The following FER variants were observed in gnomAD, a reference collection of about 807,000 sequenced individuals.
The protein encoded by FER is tyrosine-protein kinase Fer.
FER carries 63 observed loss-of-function variants against 111.0 expected under a neutral mutation model. The observed-to-expected ratio is 0.57, with a 90% CI of 0.46 to 0.70. The LOEUF is 0.70. Ranked by LOEUF, FER falls within the 30% of genes least tolerant of loss-of-function variation. The pLI is 0.00. For synonymous variants in FER, 327 were observed against 313.9 expected, an observed-to-expected ratio of 1.04 and a Z score of -0.44; for missense variants, 914 against 954.0, an observed-to-expected ratio of 0.96 and a Z score of 0.55.
chr5:109,089,252 T>A (rs76641298), intron 16 of FER, among the ~76,000 whole-genome samples: 5,234 of 152,252 alleles, frequency 0.034, 147 homozygotes, highest in South Asian at 0.085. Flanking sequence ...AGAATTTTTT[T>A]AAAATAGTAC....
chr5:109,062,022 T>TTTGCTTGCGTGCTTGC (rs1554129298), intron 16 of FER, among the ~76,000 whole-genome samples: 1 of 150,536 alleles, frequency 6.6e-6, no homozygotes, highest in African/African-American at 2.5e-5. Context: ...TTATGAATAC[T>TTTGCTTGCGTGCTTGC]TTGCTTGCTT....
chr5:108,939,670 A>C (rs1369293047), intron 10 of FER, among the ~76,000 whole-genome samples: 1 of 152,022 alleles, frequency 6.6e-6, no homozygotes, highest in African/African-American at 2.4e-5. Flanking sequence ...ATTAGCTGAC[A>C]AAAGAAGTAC....
At chr5:108,810,231 C>A (rs567981905) in intron 3 of FER, among the ~76,000 whole-genome samples, 228 of 152,240 alleles carry the variant, frequency 1.5e-3, no homozygotes, top group African/African-American at 5.2e-3. Flanking sequence ...ATTGGGCTTT[C>A]TTTATATATA....
intron 11 of FER, among the ~76,000 whole-genome samples, chr5:108,950,893 A>G (rs977105039): frequency 1.1e-4 from 17 of 152,194 alleles, no homozygotes; most frequent in African/African-American, 4.1e-4. Flanking sequence ...TCTTTTGTAA[A>G]CAGTTGATTT....
intron 16 of FER, among the ~76,000 whole-genome samples, chr5:109,068,486 G>A (rs1435507791): frequency 6.6e-6 from 1 of 152,056 alleles, no homozygotes; most frequent in Non-Finnish European, 1.5e-5. Flanking sequence ...CCGTTGCTCT[G>A]TTATTACTCA....
At chr5:108,949,944 G>A (rs977357888) in intron 11 of FER, among the ~76,000 whole-genome samples, 12 of 151,876 alleles carry the variant, frequency 7.9e-5, no homozygotes, top group African/African-American at 2.9e-4. Flanking sequence ...AAAAGTAACT[G>A]GGTAAAAATA....
intron 13 of FER, among the ~76,000 whole-genome samples, chr5:109,009,117 G>C (rs1457244791): frequency 7.3e-6 from 1 of 137,646 alleles, no homozygotes. Flanking sequence ...GCGTGATCTC[G>C]GCTCCCTGCA....
chr5:109,059,296 G>C (rs1774068834), intron 16 of FER, among the ~76,000 whole-genome samples: 1 of 151,440 alleles, frequency 6.6e-6, no homozygotes, highest in African/African-American at 2.4e-5. Context: ...GACTTGGTTA[G>C]CTTTTAAGAA....
chr5:109,143,522 C>T (rs1753741981), intron 17 of FER, among the ~76,000 whole-genome samples: 1 of 152,056 alleles, frequency 6.6e-6, no homozygotes, highest in South Asian at 2.1e-4. Context: ...GAGATCTCCT[C>T]CCTTTTTCAG....
chr5:108,892,625 C>T (rs1325312284), intron 9 of FER, among the ~76,000 whole-genome samples: 3 of 152,102 alleles, frequency 2.0e-5, no homozygotes, highest in Non-Finnish European at 4.4e-5. Flanking sequence ...GTTGCCTGTT[C>T]ACTCTGATGG....
At chr5:108,759,589 C>T (rs932653757) in intron 1 of FER, among the ~76,000 whole-genome samples, 1 of 152,198 alleles carries the variant, frequency 6.6e-6, no homozygotes, top group Non-Finnish European at 1.5e-5. Flanking sequence ...TATTCTCTCA[C>T]AGTTCTAGAG....
At chr5:108,833,005 T>G in intron 4 of FER, 62 bp downstream of exon 4, 2 of 1,439,674 alleles carry the variant, frequency 1.4e-6, no homozygotes, top group Non-Finnish European at 1.9e-6. Flanking sequence ...AGAAATATTT[T>G]ACCTTATTTG....
intron 13 of FER, among the ~76,000 whole-genome samples, chr5:108,978,745 A>C (rs566666419): frequency 8.5e-4 from 129 of 152,324 alleles, no homozygotes; most frequent in African/African-American, 3.1e-3. Flanking sequence ...AACTGTGTAC[A>C]TGAAGCCCAA....
Position 108,989,796 on chromosome 5 carries a change from A to G in FER, c.1656+30449A>G, listed in dbSNP as rs185744083. Among the ~76,000 whole-genome samples the G allele has an allele frequency of 4.8e-3, 728 of 152,108 alleles. 24 individuals are homozygous for G. The highest frequency in any genetic ancestry group is 0.045 in the Admixed American group (687 of 15,290). The stretch of plus-strand genomic sequence containing the variant: ...GTAGTATTTCCTTTATAAAAATCGT[A>G]TGTGGTGTAAGCATGAGAATACATT... On this transcript the variant is annotated intron_variant, in intron 13 of 19. Coordinates refer to ENST00000281092, the MANE Select transcript of FER (RefSeq NM_005246.4).
rs199518969 is a variant in FER, at chr5:109,183,997, T to TAA, written c.2204-2203_2204-2202insAA. Among the ~76,000 whole-genome samples the TAA allele has an allele frequency of 1.1e-4, 17 of 152,226 alleles. No homozygotes were observed. The South Asian group carries it at 3.3e-3, about 30-fold the overall frequency. ...TTTGTATGTGTCTCTCTCATATACT[T>TAA]TAAAAAAAAATACAAAATGGTAGAA... On this transcript the variant is annotated intron_variant, in intron 18 of 19. Transcript: ENST00000281092.
intron 16 of FER, among the ~76,000 whole-genome samples, chr5:109,066,820 C>T (rs1406075580): frequency 1.3e-5 from 2 of 152,054 alleles, no homozygotes; most frequent in Non-Finnish European, 2.9e-5. Flanking sequence ...TCTCTTTTCT[C>T]AAAGAAGTCA....
At chr5:109,050,239 A>G (rs1291303210) in intron 16 of FER, among the ~76,000 whole-genome samples, 2 of 152,248 alleles carry the variant, frequency 1.3e-5, no homozygotes, top group Non-Finnish European at 2.9e-5. Context: ...TAACAAAACT[A>G]GTATCCGTAA....
intron 15 of FER, among the ~76,000 whole-genome samples, chr5:109,045,281 G>GTATATACATTATATACATTATA (rs1581778948): frequency 7.4e-6 from 1 of 135,990 alleles, no homozygotes; most frequent in African/African-American, 2.9e-5. Context: ...ATACATTTAA[G>GTATATACATTATATACATTATA]TATATACATT....
chr5:109,180,950 A>T (rs942548044), intron 18 of FER, 49 bp downstream of exon 18: 2 of 1,491,648 alleles, frequency 1.3e-6, no homozygotes, highest in Admixed American at 2.2e-5. Flanking sequence ...GAACGGCATC[A>T]GCATAAAACA....
Sources: allele counts gnomAD v4.1 joint callset (sites outside exome capture counted in the v4.1 genomes callset), GRCh38; gene constraint gnomAD v4.1.1; transcripts MANE v1.5; gene names NCBI Gene and HGNC (gene_info 2026-07-23, HGNC 2026-07-21).